Variants in CRYBG3 observed in about 807,000 individuals in gnomAD.
CRYBG3 encodes crystallin beta-gamma domain containing 3.
CRYBG3 carries 127 observed loss-of-function variants against 244.2 expected under a neutral mutation model. That is an observed-to-expected ratio of 0.52 (90% confidence interval 0.45 to 0.60). CRYBG3 has a LOEUF of 0.60. Ranked by LOEUF, CRYBG3 falls within the 20% of genes least tolerant of loss-of-function variation. CRYBG3 has a pLI of 0.00. For missense variants in CRYBG3, 3,325 were observed against 3,442.5 expected (o/e 0.97, Z 0.85); for synonymous variants, 1,132 against 1,195.8 (o/e 0.95, Z 1.10).
At chr3:97,858,453 G>A (rs1274917256) in intron 2 of CRYBG3, among the ~76,000 whole-genome samples, 2 of 151,916 alleles carry the variant, frequency 1.3e-5, no homozygotes, top group East Asian at 3.9e-4. Flanking sequence ...AAAGTTTTTA[G>A]CTATTATTTC....
intron 1 of CRYBG3, chr3:97,837,130 A>G (rs998081393): frequency 6.6e-6 from 1 of 152,198 alleles, no homozygotes; most frequent in African/African-American, 2.4e-5. Context: ...GCATTTTACT[A>G]CTTATGACAG....
chr3:97,886,701 G>C lies in CRYBG3; in HGVS notation c.7223G>C (p.Arg2408Thr), dbSNP rs781245403. The change falls in exon 8 of 22, where the codon AGA (arginine) becomes ACA (threonine). Residue 2408 changes from arginine (R) to threonine (T), a missense_variant. This residue lies in a region of CRYBG3 where 714 missense variants were observed against 803.6 expected (regional missense o/e 0.89). Transcript: ENST00000389622. Reference sequence around the variant, plus strand: ...GCCTGTTGTCCTGTCTACATACAGAGAGCAGTCCCCAATTTGGAAGAACTG... The same window carrying C: ...GCCTGTTGTCCTGTCTACATACAGACAGCAGTCCCCAATTTGGAAGAACTG... ...DPACCPVYIQ[R>T]AVPNLEELNI... 48 of 1,612,634 alleles carry C rather than the reference G, an allele frequency of 3.0e-5. No homozygotes were observed. The East Asian group carries it at 1.0e-3, about 34-fold the overall frequency.
In CRYBG3 at chr3:97,936,786, T is replaced by TG; in HGVS notation, c.8385dup (p.Ile2796AspfsTer4). On this transcript the variant is annotated frameshift_variant and splice_region_variant, in exon 19 of 22. Coordinates refer to ENST00000389622, the MANE Select transcript of CRYBG3 (RefSeq NM_153605.4). LOFTEE classifies it high-confidence loss of function. ...CTTTTTTCTTTCTTGTTCTCATAGA[T>TG]GGATAGCTTATGAAGGATCCAATTT... The TG allele has an allele frequency of 6.2e-7, 1 of 1,612,128 alleles. No individual in the cohort carries two copies. Among genetic ancestry groups the TG allele is most frequent in the Non-Finnish European group, 8.5e-7 (1 of 1,179,076 alleles).
At chr3:97,827,366 A>G (rs551152896) in intron 1 of CRYBG3, among the ~76,000 whole-genome samples, 2 of 152,210 alleles carry the variant, frequency 1.3e-5, no homozygotes, top group Non-Finnish European at 2.9e-5. Context: ...TAGAAACACC[A>G]GGAAGGTTGA....
intron 1 of CRYBG3, among the ~76,000 whole-genome samples, chr3:97,841,805 T>C (rs1165882482): frequency 6.6e-6 from 1 of 152,168 alleles, no homozygotes; most frequent in African/African-American, 2.4e-5. Flanking sequence ...CTGGTCTTCA[T>C]AGTCTGGTAT....
rs898203341 is a variant in CRYBG3 at position 97,943,641 on chromosome 3, G to A, written c.*327G>A. 30 of 277,350 alleles carry A rather than the reference G, an allele frequency of 1.1e-4. No individual in the cohort carries two copies. Among genetic ancestry groups the A allele is most frequent in the African/African-American group, 4.1e-4 (18 of 43,500 alleles). The allele number at this position is 277,350 out of a possible 1,614,324, so 17.2% of individuals were successfully genotyped here. A position where few individuals can be genotyped will look rare whatever the true frequency, so the allele number is the denominator to read the frequency against. ...ACGTGAATCCTGTTCCTGATGGCCC[G>A]TTATTGGACACTGGTGATGCTATTA... On this transcript the variant is annotated 3_prime_UTR_variant, in exon 22 of 22. Transcript: ENST00000389622.
At position 97,878,003 on chromosome 3, in the gene CRYBG3, A is replaced by G; in HGVS notation, c.6809A>G (p.Gln2270Arg). 6.2e-7 allele frequency: 1 copy of G among 1,613,876 alleles called. No individual in the cohort carries two copies. Among genetic ancestry groups the G allele is most frequent in the Non-Finnish European group, 8.5e-7 (1 of 1,179,900 alleles). The part of the protein sequence containing the change: ...QEPVSKYFRV[Q>R]DSPGRLSPFI... Reference sequence around the variant, plus strand: ...CCAGTGTCAAAATATTTCCGTGTTCAAGACAGCCCAGGCAGATTGAGCCCA... The same window carrying G: ...CCAGTGTCAAAATATTTCCGTGTTCGAGACAGCCCAGGCAGATTGAGCCCA... The change falls in exon 4 of 22, where the codon CAA (glutamine) becomes CGA (arginine). Residue 2270 changes from glutamine (Q) to arginine (R), a missense_variant. Transcript: ENST00000389622.
chr3:97,933,912 G>A, intron 18 of CRYBG3, 79 bp downstream of exon 18: 1 of 1,253,912 alleles, frequency 8.0e-7, no homozygotes, highest in South Asian at 1.3e-5. Flanking sequence ...CAAGTCCACT[G>A]TGTAGTAGTA....
At chr3:97,933,976 G>T in intron 18 of CRYBG3, 143 bp downstream of exon 18, 3 of 578,210 alleles carry the variant, frequency 5.2e-6, no homozygotes, top group Non-Finnish European at 9.1e-6. Flanking sequence ...GCTACCATAT[G>T]GTCACAGCAT....
chr3:97,885,321 CT>C (rs2039495656), intron 7 of CRYBG3, among the ~76,000 whole-genome samples: 1 of 152,018 alleles, frequency 6.6e-6, no homozygotes. Flanking sequence ...GACTATTATA[CT>C]TTTAGAATTG....
At chr3:97,887,211 A>G (rs1406157399) in intron 8 of CRYBG3, among the ~76,000 whole-genome samples, 1 of 152,148 alleles carries the variant, frequency 6.6e-6, no homozygotes, top group Non-Finnish European at 1.5e-5. Flanking sequence ...GTCCCAGGCT[A>G]CTAGCCGGTA....
Position 97,876,981 on chromosome 3 carries a change from C to A in CRYBG3, c.5787C>A (p.Phe1929Leu). The A allele has an allele frequency of 6.6e-7, 1 of 1,515,530 alleles. No individual in the cohort carries two copies. Among genetic ancestry groups the A allele is most frequent in the Non-Finnish European group, 8.8e-7 (1 of 1,135,318 alleles). The allele number at this position is 1,515,530 out of a possible 1,614,324, so 93.9% of individuals were successfully genotyped here. ...ATGAAAATAGACTTCCTACATATTTCAGGGGATATGAATCCCCTACATTAA... is the reference window on the plus strand; with the variant it reads ...ATGAAAATAGACTTCCTACATATTTAAGGGGATATGAATCCCCTACATTAA... ...IAHENRLPTY[F>L]RGYESPTLSK... The change falls in exon 4 of 22, where the codon TTC becomes TTA. Residue 1929 changes from phenylalanine (F) to leucine (L), a missense_variant. This residue lies in a region of CRYBG3 where 450 missense variants were observed against 424.1 expected (regional missense o/e 1.06). Coordinates refer to ENST00000389622, the MANE Select transcript of CRYBG3 (RefSeq NM_153605.4).
At chr3:97,917,632 A>G (rs907651116) in intron 17 of CRYBG3, among the ~76,000 whole-genome samples, 4 of 152,124 alleles carry the variant, frequency 2.6e-5, no homozygotes, top group Admixed American at 1.3e-4. Context: ...TATGTAAACC[A>G]GAAGGTCAAT....
Position 97,829,238 on chromosome 3 carries a change from T to G in CRYBG3, c.149+6883T>G, listed in dbSNP as rs544268943. 1.1e-4 allele frequency among the ~76,000 whole-genome samples: 16 copies of G among 152,326 alleles called. 1 individual carries two copies. The highest frequency in any genetic ancestry group is 3.8e-4 in the African/African-American group (16 of 41,578). On this transcript the variant is annotated intron_variant, in intron 1 of 21. Coordinates refer to ENST00000389622, the MANE Select transcript of CRYBG3 (RefSeq NM_153605.4). ...GAAAAGTTTCAGTTAAGGATATAAA[T>G]AAACAGAAGTAGTTTTTGTAATGCA...
Position 97,899,042 on chromosome 3 carries a change from A to T in CRYBG3, c.7844+17A>T, listed in dbSNP as rs1342274829. On this transcript the variant is annotated intron_variant, in intron 13 of 21. Transcript: ENST00000389622. ...AAGTGGAGTGTAAGTTGCCTCCTCT[A>T]AGAACCTTGAGAGTCTTTGGTGTTT... is the stretch of plus-strand genomic sequence containing the variant. 6.2e-7 allele frequency: 1 copy of T among 1,607,260 alleles called. No homozygotes were observed. The highest frequency in any genetic ancestry group is 8.5e-7 in the Non-Finnish European group (1 of 1,177,402).
intron 2 of CRYBG3, among the ~76,000 whole-genome samples, chr3:97,856,133 G>T: frequency 6.6e-6 from 1 of 152,154 alleles, no homozygotes; most frequent in South Asian, 2.1e-4. Context: ...CCCCAGGCAC[G>T]TATTCTCTTT....
rs531170408 is a variant in CRYBG3 at position 97,938,776 on chromosome 3, T to C, written c.8505+1868T>C. On this transcript the variant is annotated intron_variant, in intron 19 of 21. Transcript: ENST00000389622. The stretch of plus-strand genomic sequence containing the variant: ...GCTCTGGCTCATATTACTATGGTAA[T>C]ACACTTATTTTGAAAATTTTTTATT... 2.0e-5 allele frequency among the ~76,000 whole-genome samples: 3 copies of C among 152,156 alleles called. No homozygotes were observed. The East Asian group carries it at 5.8e-4, about 29-fold the overall frequency.
At position 97,871,822 on chromosome 3, in the gene CRYBG3, C is replaced by G. The variant is rs1449929099; in HGVS notation, c.648-20C>G. On this transcript the variant is annotated intron_variant, in intron 3 of 21. Transcript: ENST00000389622. The stretch of plus-strand genomic sequence containing the variant: ...ATTATTAATTATATTTCCTGATACT[C>G]TCATGCTTTCTTTTTACAGACAAAT... 6.9e-7 allele frequency: 1 copy of G among 1,454,148 alleles called. No individual in the cohort carries two copies. The highest frequency in any genetic ancestry group is 1.4e-5 in the African/African-American group (1 of 70,090). 90.1% of individuals were successfully genotyped at this position (1,454,148 alleles called of 1,614,324 possible). A position where few individuals can be genotyped will look rare whatever the true frequency, so the allele number is the denominator to read the frequency against.
intron 12 of CRYBG3, among the ~76,000 whole-genome samples, chr3:97,898,194 T>G (rs995100231): frequency 6.6e-6 from 1 of 150,668 alleles, no homozygotes; most frequent in African/African-American, 2.4e-5. Context: ...CACTCCAGCC[T>G]GGGCAACAAG....
Sources: allele counts gnomAD v4.1 joint callset (sites outside exome capture counted in the v4.1 genomes callset), GRCh38; gene constraint gnomAD v4.1.1; regional missense constraint gnomAD v4.1.1; transcripts MANE v1.5; gene names NCBI Gene and HGNC (gene_info 2026-07-23, HGNC 2026-07-21).